Variants in WDR36 observed in about 807,000 individuals in gnomAD.
WDR36 encodes the protein WD repeat domain 36.
WDR36 carries 63 observed loss-of-function variants against 112.7 expected under a neutral mutation model. The ratio of observed to expected loss-of-function variants is 0.56; its 90% CI spans 0.46 to 0.69. WDR36 has a LOEUF of 0.69. Among genes scored for constraint, WDR36 ranks in the 30% least tolerant of loss-of-function variants. WDR36 has a pLI of 0.00. For missense variants in WDR36, 1,226 were observed against 1,070.3 expected (o/e 1.15, Z -2.03); for synonymous variants, 410 against 362.2 (o/e 1.13, Z -1.50).
At chr5:111,104,662 A>G (rs1352601580) in intron 8 of WDR36, 35 bp from the exon 9 acceptor site, 3 of 1,610,478 alleles carry the variant, frequency 1.9e-6, no homozygotes, top group East Asian at 4.5e-5. Context: ...CAGATGGAAC[A>G]TTGTAGAAGA....
intron 19 of WDR36, among the ~76,000 whole-genome samples, chr5:111,122,287 GT>G (rs1485350842): frequency 6.6e-6 from 1 of 152,180 alleles, no homozygotes; most frequent in East Asian, 1.9e-4. Context: ...ATTGAGCAGA[GT>G]TTTGGGGCTA....
At chr5:111,112,599 T>C (rs936656521) in intron 15 of WDR36, among the ~76,000 whole-genome samples, 4 of 151,956 alleles carry the variant, frequency 2.6e-5, no homozygotes, top group Admixed American at 2.6e-4. Context: ...TTTTCATAGC[T>C]AGAAAAAATA....
In WDR36 at chr5:111,110,247, T is replaced by C; in HGVS notation, c.1385T>C (p.Val462Ala). The change falls in exon 13 of 23, where the codon GTA (valine) becomes GCA (alanine). Residue 462 changes from valine (V) to alanine (A), a missense_variant. Val to Ala is a moderately conservative substitution (Grantham distance 64). Coordinates refer to ENST00000513710, the MANE Select transcript of WDR36 (RefSeq NM_139281.3). ...FAVIGLSSGT[V>A]DVYNMQSGIH... is the part of the protein sequence containing the mutation. ...GTAATTGGCCTCTCATCAGGAACTGTAGATGTATATAACATGCAGTCTGGC... is the reference window on the plus strand; with the variant it reads ...GTAATTGGCCTCTCATCAGGAACTGCAGATGTATATAACATGCAGTCTGGC... The C allele has an allele frequency of 6.2e-7, 1 of 1,611,142 alleles. No individual in the cohort carries two copies. Among genetic ancestry groups the C allele is most frequent in the Non-Finnish European group, 8.5e-7 (1 of 1,177,770 alleles).
At chr5:111,099,831 T>C (rs115913443) in intron 4 of WDR36, among the ~76,000 whole-genome samples, 4,625 of 152,134 alleles carry the variant, frequency 0.03, 92 homozygotes, top group Non-Finnish European at 0.045. Context: ...TGTACAGTAG[T>C]GTGCCAGATA....
chr5:111,124,888 A>G (rs908710252), intron 21 of WDR36, among the ~76,000 whole-genome samples: 1 of 152,186 alleles, frequency 6.6e-6, no homozygotes, highest in Non-Finnish European at 1.5e-5. Flanking sequence ...CAAAGAAATA[A>G]AAACACTATT....
chr5:111,101,754 A>G (rs929219503), intron 5 of WDR36, among the ~76,000 whole-genome samples: 1 of 151,878 alleles, frequency 6.6e-6, no homozygotes, highest in Non-Finnish European at 1.5e-5. Flanking sequence ...ATTACAATTT[A>G]ACAAATACCA....
intron 12 of WDR36, among the ~76,000 whole-genome samples, chr5:111,109,013 G>C (rs956581321): frequency 6.6e-6 from 1 of 151,278 alleles, no homozygotes; most frequent in South Asian, 2.1e-4. Context: ...GTTACTCAAA[G>C]ATAACATTCA....
At chr5:111,094,987 C>CT (rs754907271) in intron 2 of WDR36, 40 bp downstream of exon 2, 291 of 1,563,904 alleles carry the variant, frequency 1.9e-4, no homozygotes, top group East Asian at 5.0e-4. Flanking sequence ...CACATCTAAA[C>CT]TTTTTTTTTA....
intron 6 of WDR36, 139 bp downstream of exon 6, chr5:111,102,538 A>G: frequency 1.2e-6 from 1 of 864,568 alleles, no homozygotes. Flanking sequence ...AGCCTGAGGA[A>G]ATAGTGTTTT....
chr5:111,120,852 G>A, intron 18 of WDR36, 144 bp from the exon 19 acceptor site: 1 of 820,222 alleles, frequency 1.2e-6, no homozygotes, highest in East Asian at 2.6e-5. Context: ...ATAAGGAAAA[G>A]ACAGGGATAA....
At chr5:111,092,770 G>T in intron 1 of WDR36, 152 bp downstream of exon 1, 15 of 1,114,404 alleles carry the variant, frequency 1.3e-5, no homozygotes, top group Non-Finnish European at 2.0e-5. Context: ...ATCCGGTCAC[G>T]TCCACGTGCT....
rs748321429 is a variant in WDR36 at position 111,126,776 on chromosome 5, G to A, written c.2581G>A (p.Glu861Lys). The A allele has an allele frequency of 9.3e-6, 15 of 1,613,586 alleles. No individual in the cohort carries two copies. In the Admixed American group the frequency reaches 2.0e-4, roughly 22 times the overall value. Reference protein sequence around the residue: ...MLPSEPVLLEEITNLSSQVEE... With the variant: ...MLPSEPVLLEKITNLSSQVEE... Reference sequence around the variant, plus strand: ...TCCTTCAGAGCCAGTACTCCTAGAAGAAATAACAAATTTGTCATCCCAGGT... The same window carrying A: ...TCCTTCAGAGCCAGTACTCCTAGAAAAAATAACAAATTTGTCATCCCAGGT... The change falls in exon 23 of 23, where the codon GAA becomes AAA. Residue 861 changes from glutamate (E) to lysine (K), a missense_variant. By Grantham distance (56) the Glu-to-Lys change is moderately conservative (BLOSUM62 1). Coordinates refer to ENST00000513710, the MANE Select transcript of WDR36 (RefSeq NM_139281.3).
chr5:111,102,699 C>T (rs971057896), intron 6 of WDR36, among the ~76,000 whole-genome samples: 1 of 151,416 alleles, frequency 6.6e-6, no homozygotes, highest in Non-Finnish European at 1.5e-5. Context: ...CTTGTGTAGA[C>T]TGGAAATGAG....
At position 111,127,426 on chromosome 5, in the gene WDR36, A is replaced by C. The variant is rs775901281; in HGVS notation, c.*543A>C. The C allele has an allele frequency of 9.9e-5, 20 of 202,200 alleles. No homozygotes were observed. Among genetic ancestry groups the C allele is most frequent in the Non-Finnish European group, 2.0e-4 (20 of 98,244 alleles). The allele number at this position is 202,200 out of a possible 1,614,324, so 12.5% of individuals were successfully genotyped here. ...ATGATGTAGTTATAAAAATGCTGTT[A>C]TGAAGAAAAAAGGAATGCTTTTTTC... On this transcript the variant is annotated 3_prime_UTR_variant, in exon 23 of 23. Coordinates refer to ENST00000513710, the MANE Select transcript of WDR36 (RefSeq NM_139281.3).
At position 111,121,117 on chromosome 5, in the gene WDR36, CCTT is replaced by C. The variant is rs748916345; in HGVS notation, c.2128_2130del (p.Leu710del). 6.2e-7 allele frequency: 1 copy of C among 1,613,454 alleles called. No individual in the cohort carries two copies. Among genetic ancestry groups the C allele is most frequent in the South Asian group, 1.1e-5 (1 of 91,068 alleles). On this transcript the variant is annotated inframe_deletion, in exon 19 of 23. Transcript: ENST00000513710. ...TTCTTCCTGAATCACGATGGAAAAA[CCTT>C]CTTAACCTTGATGTTATTAAGGTAA...
intron 12 of WDR36, 23 bp from the exon 13 acceptor site, chr5:111,110,166 T>G: frequency 2.0e-6 from 3 of 1,529,338 alleles, no homozygotes; most frequent in Non-Finnish European, 2.7e-6. Flanking sequence ...TATTTTGTCA[T>G]TTGTGGGTTT....
intron 18 of WDR36, 61 bp from the exon 19 acceptor site, chr5:111,120,935 A>G: frequency 7.2e-7 from 1 of 1,393,442 alleles, no homozygotes; most frequent in Non-Finnish European, 1.0e-6. Flanking sequence ...TGGATTTGGA[A>G]TGAATTAAGT....
At position 111,125,808 on chromosome 5, in the gene WDR36, T is replaced by G. The variant is rs1753669355; in HGVS notation, c.2538+13T>G. Reference sequence around the variant, plus strand: ...ATTGTTTCTAAAGGTAAGTCTAATGTAAGACAGTACTGCCCAGCTTGTCTT... The same window carrying G: ...ATTGTTTCTAAAGGTAAGTCTAATGGAAGACAGTACTGCCCAGCTTGTCTT... On this transcript the variant is annotated intron_variant, in intron 22 of 22. Transcript: ENST00000513710. 5 of 1,613,380 alleles carry G rather than the reference T, an allele frequency of 3.1e-6. No individual in the cohort carries two copies.
Position 111,097,094 on chromosome 5 carries a change from A to T in WDR36, c.206A>T (p.Gln69Leu). Residue 69 changes from glutamine (Q) to leucine (L), a missense_variant, in exon 3 of 23, where the codon CAG becomes CTG. Physicochemically the swap from Gln to Leu is moderately radical, Grantham distance 113 (BLOSUM62 -2). Coordinates refer to ENST00000513710, the MANE Select transcript of WDR36 (RefSeq NM_139281.3). ...TTTCTGCTAGGTAATTCTGTTCCAC[A>T]GGATATCTGCTGTATGGCAGCTGAT... ...SLVAVSNSVP[Q>L]DICCMAADGR... is the part of the protein sequence containing the mutation. The T allele has an allele frequency of 1.2e-6, 2 of 1,613,312 alleles. No homozygotes were observed. The highest frequency in any genetic ancestry group is 1.7e-6 in the Non-Finnish European group (2 of 1,179,422).
Sources: gnomAD v4.1 joint callset for allele counts (sites outside exome capture counted in the v4.1 genomes callset) on GRCh38, gnomAD v4.1.1 for gene constraint, MANE v1.5 for transcripts, NCBI Gene and HGNC (gene_info 2026-07-23, HGNC 2026-07-21) for gene names.